Variants in COL4A6 observed in about 807,000 individuals in gnomAD.
COL4A6 encodes the protein collagen type IV alpha 6 chain.
COL4A6 carries 59 observed loss-of-function variants against 126.7 expected under a neutral mutation model. The ratio of observed to expected loss-of-function variants is 0.47; its 90% CI spans 0.38 to 0.58. COL4A6 has a LOEUF of 0.58. Ranked by LOEUF, COL4A6 falls within the 20% of genes least tolerant of loss-of-function variation. The probability of loss-of-function intolerance (pLI) is 0.00; values close to 1 mark genes in which losing one functional copy is unlikely to be tolerated. For missense variants in COL4A6, 1,285 were observed against 1,337.3 expected, an observed-to-expected ratio of 0.96 and a Z score of 0.61; for synonymous variants, 547 against 496.6, an observed-to-expected ratio of 1.10 and a Z score of -1.35.
intron 23 of COL4A6, chrX:108,183,724 C>T (rs766749214): frequency 1.1e-5 from 10 of 914,475 alleles, no homozygotes; most frequent in Non-Finnish European, 1.3e-5. Flanking sequence ...GCTCTCACCT[C>T]TCTCTGTGTC....
At chrX:108,418,908 C>T (rs1314258526) in intron 2 of COL4A6, among the ~76,000 whole-genome samples, 2 of 112,282 alleles carry the variant, frequency 1.8e-5, no homozygotes, top group Non-Finnish European at 3.8e-5. Flanking sequence ...ACCCGTGTGA[C>T]ATTTGGTTGA....
chrX:108,361,107 C>A (rs1009194534), intron 2 of COL4A6, among the ~76,000 whole-genome samples: 5 of 111,155 alleles, frequency 4.5e-5, no homozygotes, highest in Non-Finnish European at 9.4e-5. Context: ...CATGACCCCT[C>A]CATGCAATAT....
chrX:108,157,851 T>G (rs1034756046), intron 44 of COL4A6, among the ~76,000 whole-genome samples: 3 of 111,911 alleles, frequency 2.7e-5, no homozygotes, highest in African/African-American at 9.8e-5. Context: ...TCAGTTACTA[T>G]TCACATAGAC....
chrX:108,290,163 C>A (rs563077532), intron 3 of COL4A6, among the ~76,000 whole-genome samples: 2 of 112,093 alleles, frequency 1.8e-5, no homozygotes, highest in Non-Finnish European at 3.8e-5. Context: ...CTGGTGGCCT[C>A]TATTTAGTCC....
intron 2 of COL4A6, among the ~76,000 whole-genome samples, chrX:108,433,657 A>C (rs1392972529): frequency 9.1e-6 from 1 of 110,361 alleles, no homozygotes; most frequent in Non-Finnish European, 1.9e-5. Flanking sequence ...CCCAGTAGAT[A>C]GGACTATAGG....
At chrX:108,327,108 G>A (rs978871003) in intron 2 of COL4A6, among the ~76,000 whole-genome samples, 4 of 111,117 alleles carry the variant, frequency 3.6e-5, no homozygotes, top group Non-Finnish European at 7.6e-5. Context: ...GAACTGGGCC[G>A]CACAGCAGGA....
At chrX:108,412,450 T>C (rs960412742) in intron 2 of COL4A6, among the ~76,000 whole-genome samples, 3 of 111,779 alleles carry the variant, frequency 2.7e-5, no homozygotes, top group African/African-American at 6.5e-5. Context: ...CGCATTCTAC[T>C]AAATCCAAGA....
intron 3 of COL4A6, among the ~76,000 whole-genome samples, chrX:108,283,284 T>G (rs892408323): frequency 5.4e-5 from 6 of 112,078 alleles, no homozygotes; most frequent in Non-Finnish European, 9.4e-5. Flanking sequence ...GGCTAGATGA[T>G]AACTAAAGGT....
At chrX:108,393,776 C>G (rs370906990) in intron 2 of COL4A6, among the ~76,000 whole-genome samples, 24 of 112,025 alleles carry the variant, frequency 2.1e-4, no homozygotes, top group African/African-American at 7.8e-4. Context: ...AAGTAAACAA[C>G]AGATACTGGA....
Position 108,214,198 on chromosome X carries a change from G to A in COL4A6, c.355C>T (p.Pro119Ser). 5 of 1,206,288 alleles carry A rather than the reference G, an allele frequency of 4.1e-6. No homozygotes were observed. The highest frequency in any genetic ancestry group is 1.8e-5 in the South Asian group (1 of 55,982). ...GHPGQPGPRG[P>S]PGLDGCNGTQ... ...CCATTACAGCCATCCAGACCAGGTGGGCCTCTGGGGCCTGGTTGTCCAGGG... is the reference window on the plus strand; with the variant it reads ...CCATTACAGCCATCCAGACCAGGTGAGCCTCTGGGGCCTGGTTGTCCAGGG... Residue 119 changes from proline (P) to serine (S), a missense_variant, in exon 6 of 45, where the codon CCA becomes TCA. Coordinates refer to ENST00000334504, the MANE Select transcript of COL4A6 (RefSeq NM_033641.4).
At chrX:108,165,563 A>T in intron 37 of COL4A6, 77 bp from the exon 38 acceptor site, 1 of 686,456 alleles carries the variant, frequency 1.5e-6, no homozygotes. Context: ...GAGAAAATGG[A>T]AGCTCACACA....
chrX:108,194,016 G>A (rs2035136324), intron 16 of COL4A6, among the ~76,000 whole-genome samples: 1 of 112,614 alleles, frequency 8.9e-6, no homozygotes, highest in African/African-American at 3.2e-5. Flanking sequence ...AGAGAACAGA[G>A]TTTTAACTTT....
chrX:108,339,476 C>T (rs1371131634), intron 2 of COL4A6, among the ~76,000 whole-genome samples: 2 of 111,157 alleles, frequency 1.8e-5, no homozygotes, highest in African/African-American at 6.5e-5. Context: ...TTCTTAGCAG[C>T]CCAGTTCAGG....
chrX:108,322,858 G>A (rs2039064443), intron 2 of COL4A6, among the ~76,000 whole-genome samples: 1 of 111,588 alleles, frequency 9.0e-6, no homozygotes, highest in Non-Finnish European at 1.9e-5. Flanking sequence ...ATTAGTATAT[G>A]TTCCATGCAA....
chrX:108,310,230 G>A (rs1025079616), intron 3 of COL4A6, among the ~76,000 whole-genome samples: 1 of 111,561 alleles, frequency 9.0e-6, no homozygotes, highest in Non-Finnish European at 1.9e-5. Flanking sequence ...ACTTTAAAAC[G>A]TATCCTATGT....
At chrX:108,211,145 G>A (rs926007907) in intron 7 of COL4A6, among the ~76,000 whole-genome samples, 3 of 111,848 alleles carry the variant, frequency 2.7e-5, no homozygotes, top group African/African-American at 9.8e-5. Flanking sequence ...GAAGGTTCTT[G>A]TCAATTCTGG....
At chrX:108,237,313 C>T (rs771305852) in intron 3 of COL4A6, among the ~76,000 whole-genome samples, 98 of 111,728 alleles carry the variant, frequency 8.8e-4, no homozygotes, top group Admixed American at 5.7e-3. Context: ...TCCTTAATCA[C>T]ACATTGAAAG....
chrX:108,163,165 G>A (rs758230174), intron 40 of COL4A6, 127 bp from the exon 41 acceptor site: 13 of 565,799 alleles, frequency 2.3e-5, no homozygotes, highest in East Asian at 1.5e-4. Context: ...CAGGATACCC[G>A]GGTATCTCCA....
At chrX:108,421,207 A>G (rs1468748496) in intron 2 of COL4A6, among the ~76,000 whole-genome samples, 1 of 112,031 alleles carries the variant, frequency 8.9e-6, no homozygotes, top group Non-Finnish European at 1.9e-5. Context: ...TTGAATACAG[A>G]GCTGGAAGAT....
Sources: gnomAD v4.1 joint callset for allele counts (sites outside exome capture counted in the v4.1 genomes callset) on GRCh38, gnomAD v4.1.1 for gene constraint, MANE v1.5 for transcripts, NCBI Gene and HGNC (gene_info 2026-07-23, HGNC 2026-07-21) for gene names.